Variants in RBM25 observed in about 807,000 individuals in gnomAD.
RBM25 encodes RNA binding motif protein 25, also known as RNA-binding protein 25.
Under a neutral mutation model 120.7 loss-of-function variants are expected in RBM25, and 19 were observed. The ratio of observed to expected loss-of-function variants is 0.16; its 90% confidence interval spans 0.11 to 0.23. The LOEUF is 0.23. Among genes scored for constraint, RBM25 ranks in the 10% least tolerant of loss-of-function variants. The pLI is 1.00. For synonymous variants in RBM25, 390 were observed against 326.7 expected (o/e 1.19, Z -2.09); for missense variants, 605 against 1,041.5 (o/e 0.58, Z 5.77).
intron 14 of RBM25, 95 bp from the exon 15 acceptor site, chr14:73,110,736 T>C: frequency 6.8e-7 from 1 of 1,460,066 alleles, no homozygotes; most frequent in Non-Finnish European, 9.1e-7. Context: ...GCCTTTTCTC[T>C]TTTCATAAAG....
Position 73,058,613 on chromosome 14 carries a change from G to A in RBM25, c.-108G>A, listed in dbSNP as rs913493690. The A allele has an allele frequency of 1.3e-5, 2 of 152,190 alleles. No homozygotes were observed. Among genetic ancestry groups the A allele is most frequent in the Non-Finnish European group, 2.9e-5 (2 of 68,064 alleles). 9.4% of individuals were successfully genotyped at this position (152,190 alleles called of 1,614,324 possible). On this transcript the variant is annotated 5_prime_UTR_variant, in exon 1 of 19. Transcript: ENST00000261973. Reference sequence around the variant, plus strand: ...GGCGCTTGGGCACTCAGTCTCCCTGGCGAGCGACGGGCAGAAATCTCGAAC... The same window carrying A: ...GGCGCTTGGGCACTCAGTCTCCCTGACGAGCGACGGGCAGAAATCTCGAAC...
intron 12 of RBM25, among the ~76,000 whole-genome samples, chr14:73,106,857 T>G (rs1319123425): frequency 7.1e-6 from 1 of 141,488 alleles, no homozygotes; most frequent in Non-Finnish European, 1.6e-5. Flanking sequence ...TTTTTTTTTG[T>G]GGAGACGGAG....
intron 9 of RBM25, 171 bp from the exon 10 acceptor site, chr14:73,103,021 T>G: frequency 7.2e-7 from 1 of 1,384,030 alleles, no homozygotes; most frequent in Non-Finnish European, 9.8e-7. Flanking sequence ...CACGAAATCT[T>G]TCTAGTCTTG....
chr14:73,097,303 C>T (rs1282901277), intron 7 of RBM25, among the ~76,000 whole-genome samples: 4 of 146,492 alleles, frequency 2.7e-5, no homozygotes, highest in South Asian at 2.2e-4. Context: ...GGGGTTCGAG[C>T]GATTCTACTG....
In RBM25 at chr14:73,120,568, C is replaced by T. The variant is rs1896522222; in HGVS notation, c.*763C>T. The T allele has an allele frequency of 6.6e-6, 1 of 152,320 alleles. No individual in the cohort carries two copies. Among genetic ancestry groups the T allele is most frequent in the East Asian group, 1.9e-4 (1 of 5,196 alleles). 9.4% of individuals were successfully genotyped at this position (152,320 alleles called of 1,614,324 possible). On this transcript the variant is annotated 3_prime_UTR_variant, in exon 19 of 19. Transcript: ENST00000261973. ...ATTAATAAGATGGCTGCTTCAGCTT[C>T]TCTTTTAAAGGAATGTGGATCATAG...
chr14:73,069,779 A>AAAAAAAAAAAAT (rs1895234317), intron 1 of RBM25: 4 of 125,248 alleles, frequency 3.2e-5, no homozygotes, highest in Non-Finnish European at 5.1e-5. Context: ...AAAAAAAAAA[A>AAAAAAAAAAAAT]GTGTGTTGCT....
rs545669961 is a variant in RBM25 at position 73,105,707 on chromosome 14, T to C, written c.1155-152T>C. 124 of 1,187,950 alleles carry C rather than the reference T, an allele frequency of 1.0e-4. 1 individual carries two copies. In the East Asian group the frequency reaches 3.0e-3, roughly 29 times the overall value. The allele number at this position is 1,187,950 out of a possible 1,614,324, so 73.6% of individuals were successfully genotyped here. ...GCAATTTATGTCTTTCTGATGAGTGTAGAGGAGGTTACATAGTTTTATGGA... is the reference window on the plus strand; with the variant it reads ...GCAATTTATGTCTTTCTGATGAGTGCAGAGGAGGTTACATAGTTTTATGGA... On this transcript the variant is annotated intron_variant, in intron 10 of 18. Coordinates refer to ENST00000261973, the MANE Select transcript of RBM25 (RefSeq NM_021239.3).
intron 1 of RBM25, among the ~76,000 whole-genome samples, chr14:73,067,067 ATTTTTTT>A (rs375705058): frequency 2.6e-4 from 34 of 131,200 alleles, no homozygotes; most frequent in Non-Finnish European, 4.0e-4. Flanking sequence ...GATACATATA[ATTTTTTT>A]TTTTTTTTTT....
rs775588866 is a variant in RBM25 at position 73,088,020 on chromosome 14, C to T, written c.402C>T (p.Tyr134=). Residue 134 remains tyrosine, a synonymous_variant, in exon 6 of 19, where the codon TAC becomes TAT. Transcript: ENST00000261973. ...GKLQAFGFCE[Y]KEPESTLRAL... is the part of the protein sequence containing the mutation. ...TGCTAGCCTTCGGATTCTGTGAGTA[C>T]AAGGAGCCAGAATCTACCCTCCGTG... The T allele has an allele frequency of 1.2e-6, 2 of 1,613,880 alleles. No individual in the cohort carries two copies.
chr14:73,088,209 C>T, intron 6 of RBM25, 48 bp downstream of exon 6: 1 of 1,596,670 alleles, frequency 6.3e-7, no homozygotes, highest in Non-Finnish European at 8.6e-7. Context: ...TGTGCTATTT[C>T]AGTGTAGTGC....
At chr14:73,119,568 A>G in intron 18 of RBM25, 145 bp from the exon 19 acceptor site, 1 of 1,436,340 alleles carries the variant, frequency 7.0e-7, no homozygotes, top group Non-Finnish European at 9.2e-7. Flanking sequence ...CCCGGCCACT[A>G]AAACAACCTT....
intron 6 of RBM25, among the ~76,000 whole-genome samples, chr14:73,094,193 T>A (rs1895883382): frequency 6.6e-6 from 1 of 150,996 alleles, no homozygotes; most frequent in African/African-American, 2.4e-5. Context: ...GACCTTGTGA[T>A]CTGCCTGCCT....
Position 73,071,243 on chromosome 14 carries a change from A to C in RBM25, c.-15-384A>C, listed in dbSNP as rs907956300. On this transcript the variant is annotated intron_variant, in intron 1 of 18. Coordinates refer to ENST00000261973, the MANE Select transcript of RBM25 (RefSeq NM_021239.3). ...TCCACAGAGTGAGACTCTGTCTCAA[A>C]AAAAAAAAAAAAAAAAAATCAGAAC... is the stretch of plus-strand genomic sequence containing the variant. Among the ~76,000 whole-genome samples, 278 of 123,066 alleles carry C rather than the reference A, an allele frequency of 2.3e-3. 1 individual carries two copies. Among genetic ancestry groups the C allele is most frequent in the Non-Finnish European group, 4.0e-3 (219 of 54,384 alleles). 80.7% of individuals were successfully genotyped at this position (123,066 alleles called of 152,430 possible).
intron 6 of RBM25, among the ~76,000 whole-genome samples, chr14:73,090,717 C>G (rs973085664): frequency 8.5e-5 from 13 of 152,156 alleles, no homozygotes; most frequent in Admixed American, 7.9e-4. Flanking sequence ...CTTTCAACCC[C>G]CATCTCTGAT....
intron 18 of RBM25, among the ~76,000 whole-genome samples, chr14:73,118,733 A>AT (rs200359621): frequency 1.9e-4 from 29 of 151,022 alleles, no homozygotes; most frequent in East Asian, 7.8e-4. Context: ...ATTTTGAATG[A>AT]TTTTTTTTTG....
At chr14:73,087,935 T>C in intron 5 of RBM25, 66 bp from the exon 6 acceptor site, 1 of 1,515,138 alleles carries the variant, frequency 6.6e-7, no homozygotes, top group Non-Finnish European at 8.9e-7. Flanking sequence ...TGATTCTACT[T>C]TTCCATAATT....
At chr14:73,097,962 C>A (rs1195619761) in intron 7 of RBM25, among the ~76,000 whole-genome samples, 1 of 152,090 alleles carries the variant, frequency 6.6e-6, no homozygotes, top group Admixed American at 6.6e-5. Context: ...AGGAAGTGTT[C>A]TTTTAAAAAT....
chr14:73,114,291 G>A lies in RBM25; in HGVS notation c.2397G>A (p.Met799Ile). 6.4e-7 allele frequency: 1 copy of A among 1,555,018 alleles called. No individual in the cohort carries two copies. The change falls in exon 18 of 19, where the codon ATG becomes ATA. Residue 799 changes from methionine to isoleucine, a missense_variant. Physicochemically the swap from Met to Ile is conservative, Grantham distance 10. Transcript: ENST00000261973. ...TLVDFVCSKVMAHSSPQSILD... is the reference protein window; with the variant it reads ...TLVDFVCSKVIAHSSPQSILD... ...CAATTATTTTTCTCTTTTAGGTTAT[G>A]GCTCATAGTTCACCCCAGAGCATTT...
At chr14:73,073,134 G>C (rs1490539790) in intron 2 of RBM25, among the ~76,000 whole-genome samples, 1 of 152,196 alleles carries the variant, frequency 6.6e-6, no homozygotes, top group East Asian at 1.9e-4. Context: ...TCACCATCTT[G>C]TCCAGGCTGG....
Sources: gnomAD v4.1 joint callset for allele counts (sites outside exome capture counted in the v4.1 genomes callset) on GRCh38, gnomAD v4.1.1 for gene constraint, MANE v1.5 for transcripts, NCBI Gene and HGNC (gene_info 2026-07-23, HGNC 2026-07-21) for gene names.